The following ABCA1 variants were observed in gnomAD, a reference collection of about 807,000 sequenced individuals.
ABCA1 encodes phospholipid-transporting ATPase ABCA1.
A neutral mutation model predicts 262.5 loss-of-function variants in ABCA1; 133 were observed. The ratio of observed to expected loss-of-function variants is 0.51; its 90% CI spans 0.44 to 0.59. The LOEUF is 0.59. Ranked by LOEUF, ABCA1 falls within the 20% of genes least tolerant of loss-of-function variation. The pLI is 0.00. For synonymous variants in ABCA1, 1,022 were observed against 1,043.5 expected, an observed-to-expected ratio of 0.98 and a Z score of 0.40; for missense variants, 2,452 against 2,777.5, an observed-to-expected ratio of 0.88 and a Z score of 2.63.
At chr9:104,865,102 A>T (rs1412603007) in intron 5 of ABCA1, among the ~76,000 whole-genome samples, 1 of 152,186 alleles carries the variant, frequency 6.6e-6, no homozygotes, top group East Asian at 1.9e-4. Flanking sequence ...AGACTCACAC[A>T]CTAGCACCAA....
chr9:104,858,724 A>G, intron 6 of ABCA1, 26 bp from the exon 7 acceptor site: 1 of 1,613,136 alleles, frequency 6.2e-7, no homozygotes. Context: ...GCAAAGAGAG[A>G]CAAGCACAAG....
At chr9:104,874,564 C>T (rs138153498) in intron 5 of ABCA1, among the ~76,000 whole-genome samples, 2,292 of 151,984 alleles carry the variant, frequency 0.015, 54 homozygotes, top group African/African-American at 0.052. Context: ...AGTAAGACTC[C>T]GTCTCAAAAC....
At chr9:104,863,506 G>A (rs1836814254) in intron 5 of ABCA1, among the ~76,000 whole-genome samples, 1 of 152,182 alleles carries the variant, frequency 6.6e-6, no homozygotes. Flanking sequence ...GCTTAATGAG[G>A]ACAGGAGTTA....
At chr9:104,827,897 A>C (rs1832938732) in intron 15 of ABCA1, among the ~76,000 whole-genome samples, 1 of 152,250 alleles carries the variant, frequency 6.6e-6, no homozygotes, top group Non-Finnish European at 1.5e-5. Context: ...GGATAGAAGA[A>C]GAAGCCCATG....
At position 104,884,411 on chromosome 9, in the gene ABCA1, C is replaced by G. The variant is rs1313494707; in HGVS notation, c.302+16G>C. On this transcript the variant is annotated intron_variant, in intron 4 of 49. Coordinates refer to ENST00000374736, the MANE Select transcript of ABCA1 (RefSeq NM_005502.4). ...TAACTGACAAGTTTGGAAAGAAAACCTGATCTGATACTTACATGGATTTGT... is the reference window on the plus strand; with the variant it reads ...TAACTGACAAGTTTGGAAAGAAAACGTGATCTGATACTTACATGGATTTGT... 2 of 1,614,136 alleles carry G rather than the reference C, an allele frequency of 1.2e-6. No homozygotes were observed. The highest frequency in any genetic ancestry group is 1.7e-6 in the Non-Finnish European group (2 of 1,180,004).
intron 1 of ABCA1, among the ~76,000 whole-genome samples, chr9:104,914,616 G>A (rs560081420): frequency 6.6e-6 from 1 of 152,028 alleles, no homozygotes; most frequent in East Asian, 1.9e-4. Context: ...ATTAAGCAAT[G>A]TGCAACAAGC....
intron 28 of ABCA1, among the ~76,000 whole-genome samples, chr9:104,811,706 T>G (rs879921566): frequency 8.5e-5 from 13 of 152,240 alleles, no homozygotes; most frequent in Admixed American, 7.9e-4. Flanking sequence ...AAAATTAACA[T>G]TGAGTGAATA....
chr9:104,820,321 C>G (rs1564128516), intron 20 of ABCA1, among the ~76,000 whole-genome samples: 1 of 152,192 alleles, frequency 6.6e-6, no homozygotes, highest in Non-Finnish European at 1.5e-5. Context: ...GCCTGGCCAC[C>G]ATGCACCAGG....
At chr9:104,890,413 CTACTGAAAATACAA>C (rs1357766075) in intron 2 of ABCA1, among the ~76,000 whole-genome samples, 1 of 152,082 alleles carries the variant, frequency 6.6e-6, no homozygotes, top group Non-Finnish European at 1.5e-5. Context: ...AACCCTGTCT[CTACTGAAAATACAA>C]AAAAGTAGCT....
rs183974255 is a variant in ABCA1, at chr9:104,812,436, T to C, written c.4050+138A>G. On this transcript the variant is annotated intron_variant, in intron 28 of 49. Coordinates refer to ENST00000374736, the MANE Select transcript of ABCA1 (RefSeq NM_005502.4). ...CAGCGGATACACAACTGGCAAGGAA[T>C]AGAACTGGGATTGAAATACAGATAA... 5 of 1,139,056 alleles carry C rather than the reference T, an allele frequency of 4.4e-6. No homozygotes were observed. The East Asian group carries it at 1.3e-4, about 29-fold the overall frequency. The allele number at this position is 1,139,056 out of a possible 1,614,324, so 70.6% of individuals were successfully genotyped here. A position where few individuals can be genotyped will look rare whatever the true frequency, so the allele number is the denominator to read the frequency against.
intron 2 of ABCA1, among the ~76,000 whole-genome samples, chr9:104,890,802 T>A (rs968468813): frequency 1.3e-5 from 2 of 152,016 alleles, no homozygotes; most frequent in Non-Finnish European, 2.9e-5. Context: ...GTCCTTATAT[T>A]TTTATGGAAA....
intron 5 of ABCA1, among the ~76,000 whole-genome samples, chr9:104,869,506 T>C (rs1052328623): frequency 4.6e-5 from 7 of 152,310 alleles, no homozygotes; most frequent in African/African-American, 1.4e-4. Flanking sequence ...TGGTATTTTT[T>C]TGGTGTTTTG....
chr9:104,844,942 A>G (rs1048953264), intron 8 of ABCA1, among the ~76,000 whole-genome samples: 2 of 152,254 alleles, frequency 1.3e-5, no homozygotes, highest in Non-Finnish European at 2.9e-5. Context: ...ACATTTGTCA[A>G]CATGTGGACC....
In ABCA1 at chr9:104,788,423, TA is replaced by T; in HGVS notation, c.6069+2del. The T allele has an allele frequency of 6.2e-7, 1 of 1,614,150 alleles. No individual in the cohort carries two copies. Among genetic ancestry groups the T allele is most frequent in the Non-Finnish European group, 8.5e-7 (1 of 1,179,966 alleles). Reference sequence around the variant, plus strand: ...CAGGCTGGCTTTCAGGTGCCCACAGTACCTTGCCAACTTCTTTCTCTGGGAC... The same window carrying T: ...CAGGCTGGCTTTCAGGTGCCCACAGTCCTTGCCAACTTCTTTCTCTGGGAC... On this transcript the variant is annotated splice_donor_variant, in intron 45 of 49. Coordinates refer to ENST00000374736, the MANE Select transcript of ABCA1 (RefSeq NM_005502.4). LOFTEE classifies it high-confidence loss of function.
In ABCA1 at chr9:104,840,477, T is replaced by C; in HGVS notation, c.856A>G (p.Met286Val). ...GAGCTGTTCACATTGGTCAGAAACA[T>C]CACCTCCTGTCGCATGTCACTCCAG... ...RSWSDMRQEVMFLTNVNSSSS... is the reference protein window; with the variant it reads ...RSWSDMRQEVVFLTNVNSSSS... Residue 286 changes from methionine to valine, a missense_variant, in exon 9 of 50, where the codon ATG (methionine) becomes GTG (valine). Around this residue, in one of 4 missense-constraint regions of ABCA1, gnomAD observed 1,032 missense variants for 1,089.7 expected, o/e 0.95. Transcript: ENST00000374736. 6.2e-7 allele frequency: 1 copy of C among 1,614,012 alleles called. No homozygotes were observed.
rs4149298 is a variant in ABCA1, at chr9:104,840,762, G to A, written c.814-243C>T. 0.092 allele frequency among the ~76,000 whole-genome samples: 14,029 copies of A among 152,140 alleles called. 696 individuals carry two copies. Among genetic ancestry groups the A allele is most frequent in the Middle Eastern group, 0.11 (32 of 294 alleles). ...TTACTGGAGACATTGTTGGAAATGC[G>A]GATTCTGAGACCCCTCTGCCGACCT... On this transcript the variant is annotated intron_variant, in intron 8 of 49. Transcript: ENST00000374736.
intron 18 of ABCA1, 98 bp downstream of exon 18, chr9:104,824,367 C>T (rs1036788046): frequency 1.3e-6 from 2 of 1,575,228 alleles, no homozygotes; most frequent in East Asian, 4.6e-5. Context: ...AGTGGTTTCA[C>T]AGTCTTTTAG....
At chr9:104,889,873 CCCCATCTGT>C in intron 2 of ABCA1, among the ~76,000 whole-genome samples, 1 of 152,346 alleles carries the variant, frequency 6.6e-6, no homozygotes, top group East Asian at 1.9e-4. Context: ...CAAAGTCCTT[CCCCATCTGT>C]CCAGGTCTGG....
rs377284716 is a variant in ABCA1 at position 104,794,371 on chromosome 9, C to T, written c.5506+16G>A. On this transcript the variant is annotated intron_variant, in intron 40 of 49. Transcript: ENST00000374736. ...CCATCTCCATTAAAGCATCCTACAG[C>T]CACTGCTTCACTCACCAAACCTTTC... is the stretch of plus-strand genomic sequence containing the variant. 9.3e-6 allele frequency: 15 copies of T among 1,613,906 alleles called. No individual in the cohort carries two copies. The African/African-American group carries it at 1.7e-4, about 19-fold the overall frequency.
Sources: gnomAD v4.1 joint callset for allele counts (sites outside exome capture counted in the v4.1 genomes callset) on GRCh38, gnomAD v4.1.1 for gene constraint, gnomAD v4.1.1 regional missense constraint, MANE v1.5 for transcripts, NCBI Gene and HGNC (gene_info 2026-07-23, HGNC 2026-07-21) for gene names.